PID1: variants seen among roughly 807,000 people sequenced by gnomAD.
PID1 encodes the protein PTB-containing, cubilin and LRP1-interacting protein.
Under a neutral mutation model 19.1 loss-of-function variants are expected in PID1, and 10 were observed. That is an observed-to-expected ratio of 0.52 (90% confidence interval 0.32 to 0.89). PID1 has a LOEUF of 0.89. PID1 is among the 40% of genes least tolerant of loss of function. The pLI is 0.03. For missense variants in PID1, 248 were observed against 285.3 expected, an observed-to-expected ratio of 0.87 and a Z score of 0.94; for synonymous variants, 130 against 116.0, an observed-to-expected ratio of 1.12 and a Z score of -0.78.
At chr2:229,075,461 T>G (rs16825653) in intron 2 of PID1, among the ~76,000 whole-genome samples, 2,502 of 152,286 alleles carry the variant, frequency 0.016, 56 homozygotes, top group African/African-American at 0.053. Context: ...TGACTACTTT[T>G]ATAGAAAAAA....
At chr2:229,247,565 A>G (rs1188578546) in intron 1 of PID1, among the ~76,000 whole-genome samples, 1 of 152,214 alleles carries the variant, frequency 6.6e-6, no homozygotes, top group Non-Finnish European at 1.5e-5. Context: ...TTTCTTTACA[A>G]TTGGCATTTG....
intron 2 of PID1, among the ~76,000 whole-genome samples, chr2:229,153,479 C>T (rs1012994700): frequency 2.0e-5 from 3 of 152,194 alleles, no homozygotes; most frequent in African/African-American, 7.2e-5. Flanking sequence ...AGAAGTTCTT[C>T]CTGGTGTCCA....
At chr2:229,141,048 C>CT (rs1250465427) in intron 2 of PID1, among the ~76,000 whole-genome samples, 1 of 150,432 alleles carries the variant, frequency 6.6e-6, no homozygotes, top group African/African-American at 2.4e-5. Context: ...CAGACTGACT[C>CT]TAGTATCTAT....
At chr2:229,186,505 G>C (rs1362595373) in intron 1 of PID1, among the ~76,000 whole-genome samples, 1 of 152,218 alleles carries the variant, frequency 6.6e-6, no homozygotes, top group Non-Finnish European at 1.5e-5. Flanking sequence ...AGTGGAAGCT[G>C]CTAAAGCTTG....
chr2:229,139,000 AAAG>A lies in PID1; in HGVS notation c.177+16815_177+16817del, dbSNP rs1383304963. Among the ~76,000 whole-genome samples the A allele has an allele frequency of 4.7e-4, 42 of 89,068 alleles. 1 individual carries two copies. Among genetic ancestry groups the A allele is most frequent in the African/African-American group, 1.8e-3 (41 of 23,190 alleles). The allele number at this position is 89,068 out of a possible 152,430, so 58.4% of individuals were successfully genotyped here. A position where few individuals can be genotyped will look rare whatever the true frequency, so the allele number is the denominator to read the frequency against. On this transcript the variant is annotated intron_variant, in intron 2 of 2. Coordinates refer to ENST00000392055, the MANE Select transcript of PID1 (RefSeq NM_001100818.2). ...AAATAGAAGAAAGAAAGAAAGAAAG[AAAG>A]AAAGAAAGAAAGAAAGAAAGAAAGA...
intron 1 of PID1, among the ~76,000 whole-genome samples, chr2:229,237,455 G>C (rs575661452): frequency 6.6e-6 from 1 of 152,124 alleles, no homozygotes. Flanking sequence ...ATTCTCTAGA[G>C]AGAACACTGT....
chr2:229,176,044 T>C (rs1433469104), intron 1 of PID1, among the ~76,000 whole-genome samples: 1 of 152,096 alleles, frequency 6.6e-6, no homozygotes, highest in Non-Finnish European at 1.5e-5. Flanking sequence ...TTGAAACAGG[T>C]GCATATTTAG....
chr2:229,077,137 A>C (rs1366981759), intron 2 of PID1, among the ~76,000 whole-genome samples: 1 of 152,186 alleles, frequency 6.6e-6, no homozygotes, highest in Non-Finnish European at 1.5e-5. Flanking sequence ...CATGTCTCTA[A>C]TGACCAGTGA....
intron 1 of PID1, among the ~76,000 whole-genome samples, chr2:229,175,901 G>A (rs989559172): frequency 6.6e-6 from 1 of 152,074 alleles, no homozygotes; most frequent in African/African-American, 2.4e-5. Flanking sequence ...ACTAGAAAAG[G>A]TTTTTTTACA....
At chr2:229,123,433 T>C (rs940376832) in intron 2 of PID1, among the ~76,000 whole-genome samples, 1 of 152,236 alleles carries the variant, frequency 6.6e-6, no homozygotes, top group African/African-American at 2.4e-5. Context: ...AGTTGATAGA[T>C]ATTTGAGTTC....
intron 2 of PID1, among the ~76,000 whole-genome samples, chr2:229,076,017 A>T (rs1694550684): frequency 6.6e-6 from 1 of 152,180 alleles, no homozygotes; most frequent in Non-Finnish European, 1.5e-5. Flanking sequence ...TTGGTTGTCT[A>T]TGCCATACCA....
chr2:229,108,014 C>A lies in PID1; in HGVS notation c.177+47804G>T, dbSNP rs1289118778. On this transcript the variant is annotated intron_variant, in intron 2 of 2. Transcript: ENST00000392055. ...AAATCCGTGCAACACACATACACAC[C>A]GACATCAAATTATTTAGCCTTCTCA... 2.0e-5 allele frequency among the ~76,000 whole-genome samples: 3 copies of A among 152,072 alleles called. No homozygotes were observed. In the South Asian group the frequency reaches 6.2e-4, roughly 32 times the overall value.
intron 2 of PID1, among the ~76,000 whole-genome samples, chr2:229,065,487 T>C (rs1028941420): frequency 3.3e-5 from 5 of 152,100 alleles, no homozygotes; most frequent in Non-Finnish European, 7.4e-5. Flanking sequence ...ATTTCTATTA[T>C]AAATTTTTAA....
At chr2:229,117,632 A>C (rs1283038120) in intron 2 of PID1, among the ~76,000 whole-genome samples, 2 of 152,164 alleles carry the variant, frequency 1.3e-5, no homozygotes, top group Non-Finnish European at 2.9e-5. Context: ...TCTAAGACCA[A>C]GACCAAAGAT....
In PID1 at chr2:229,095,738, C is replaced by T. The variant is rs141938014; in HGVS notation, c.177+60080G>A. Among the ~76,000 whole-genome samples the T allele has an allele frequency of 2.7e-3, 409 of 152,106 alleles. 1 individual carries two copies. Among genetic ancestry groups the T allele is most frequent in the African/African-American group, 9.5e-3 (395 of 41,496 alleles). ...ACATTTGTCCAATTTCAAATTAGAC[C>T]GATCAGTCATTCACTGAAGGGTACA... On this transcript the variant is annotated intron_variant, in intron 2 of 2. Transcript: ENST00000392055.
intron 2 of PID1, among the ~76,000 whole-genome samples, chr2:229,036,542 A>G (rs1411298639): frequency 6.6e-6 from 1 of 152,024 alleles, no homozygotes; most frequent in Non-Finnish European, 1.5e-5. Context: ...TGATGTCAGG[A>G]GTTCGAGACC....
At chr2:229,185,384 G>T (rs934830644) in intron 1 of PID1, among the ~76,000 whole-genome samples, 1 of 152,002 alleles carries the variant, frequency 6.6e-6, no homozygotes, top group Non-Finnish European at 1.5e-5. Flanking sequence ...ATCCCCTCCT[G>T]TCTACTTAGG....
At chr2:229,155,551 C>T (rs887348064) in intron 2 of PID1, among the ~76,000 whole-genome samples, 6 of 147,816 alleles carry the variant, frequency 4.1e-5, no homozygotes, top group Admixed American at 2.1e-4. Context: ...CCAGCCTGGG[C>T]GACAGAGCGA....
At chr2:229,130,469 C>T (rs1435074294) in intron 2 of PID1, among the ~76,000 whole-genome samples, 2 of 152,182 alleles carry the variant, frequency 1.3e-5, no homozygotes, top group African/African-American at 2.4e-5. Context: ...TTTTTTAAAA[C>T]TACCACATGA....
Sources: allele counts gnomAD v4.1 joint callset (sites outside exome capture counted in the v4.1 genomes callset), GRCh38; gene constraint gnomAD v4.1.1; transcripts MANE v1.5; gene names NCBI Gene and HGNC (gene_info 2026-07-23, HGNC 2026-07-21).